The following CWC25 variants were observed in gnomAD, a reference collection of about 807,000 sequenced individuals.
CWC25 encodes the protein CWC25 spliceosome associated protein, also known as pre-mRNA-splicing factor CWC25 homolog.
A neutral mutation model predicts 54.6 loss-of-function variants in CWC25; 31 were observed. That is an observed-to-expected ratio of 0.57 (90% confidence interval 0.43 to 0.77). CWC25 has a LOEUF of 0.77. Ranked by LOEUF, CWC25 falls within the 30% of genes least tolerant of loss-of-function variation. The pLI is 0.00. For synonymous variants in CWC25, 151 were observed against 187.0 expected (o/e 0.81, Z 1.57); for missense variants, 453 against 529.3 (o/e 0.86, Z 1.41).
intron 8 of CWC25, 91 bp from the exon 9 acceptor site, chr17:38,802,952 G>A: frequency 1.4e-6 from 2 of 1,475,312 alleles, no homozygotes; most frequent in Non-Finnish European, 1.9e-6. Flanking sequence ...GGGACCCCAA[G>A]CTCTCCAGTT....
intron 2 of CWC25, among the ~76,000 whole-genome samples, chr17:38,818,465 G>A (rs377178941): frequency 2.7e-5 from 4 of 150,296 alleles, no homozygotes; most frequent in African/African-American, 9.8e-5. Flanking sequence ...GGTGGCGGGC[G>A]CCTGTAGTCC....
chr17:38,815,177 A>T (rs759064513), intron 2 of CWC25, 80 bp from the exon 3 acceptor site: 67 of 1,248,158 alleles, frequency 5.4e-5, no homozygotes, highest in Non-Finnish European at 7.0e-5. Context: ...CCTGGACACA[A>T]GGGAGAGAGA....
chr17:38,812,048 C>G (rs1911511945), intron 4 of CWC25, among the ~76,000 whole-genome samples: 1 of 151,972 alleles, frequency 6.6e-6, no homozygotes, highest in Non-Finnish European at 1.5e-5. Flanking sequence ...AAGCAAGTCT[C>G]CTGCCTCATC....
At position 38,806,602 on chromosome 17, in the gene CWC25, G is replaced by A. The variant is rs1044316846; in HGVS notation, c.902+163C>T. 5 of 772,488 alleles carry A rather than the reference G, an allele frequency of 6.5e-6. No homozygotes were observed. In the African/African-American group the frequency reaches 8.8e-5, roughly 14 times the overall value. 47.9% of individuals were successfully genotyped at this position (772,488 alleles called of 1,614,324 possible). ...TACAGATATGTGGCTTTGGATGCCT[G>A]AGCTTTACATTGAGGTGGAAAAAAA... is the stretch of plus-strand genomic sequence containing the variant. On this transcript the variant is annotated intron_variant, in intron 7 of 9. Coordinates refer to ENST00000614790, the MANE Select transcript of CWC25 (RefSeq NM_017748.5).
chr17:38,824,506 G>T (rs1323964595), intron 1 of CWC25, among the ~76,000 whole-genome samples: 1 of 151,992 alleles, frequency 6.6e-6, no homozygotes, highest in Admixed American at 6.6e-5. Flanking sequence ...GACCAACATG[G>T]AGAAACCCTG....
intron 3 of CWC25, among the ~76,000 whole-genome samples, chr17:38,813,923 G>A (rs556024386): frequency 2.6e-5 from 4 of 152,138 alleles, no homozygotes; most frequent in African/African-American, 7.2e-5. Context: ...GTGCAGTGGC[G>A]CGATCTCAGG....
chr17:38,819,195 CCTTT>C (rs1292822896), intron 2 of CWC25, among the ~76,000 whole-genome samples: 34 of 149,652 alleles, frequency 2.3e-4, no homozygotes, highest in Admixed American at 1.9e-3. Flanking sequence ...GCTAACTTTT[CCTTT>C]CTTTCTTTTT....
intron 8 of CWC25, 37 bp from the exon 9 acceptor site, chr17:38,802,898 C>A (rs751959807): frequency 6.2e-7 from 1 of 1,609,762 alleles, no homozygotes; most frequent in South Asian, 1.1e-5. Context: ...AGGTCTCTTC[C>A]AGCAAAAAAA....
chr17:38,825,209 G>T lies in CWC25; in HGVS notation c.-26C>A. On this transcript the variant is annotated 5_prime_UTR_variant, in exon 1 of 10. Coordinates refer to ENST00000614790, the MANE Select transcript of CWC25 (RefSeq NM_017748.5). Reference sequence around the variant, plus strand: ...GACGGTGGAGACGATTCCTCACTACGCGGATCTGGAAGATTTCGGGAGGAT... The same window carrying T: ...GACGGTGGAGACGATTCCTCACTACTCGGATCTGGAAGATTTCGGGAGGAT... 1 of 1,585,382 alleles carries T rather than the reference G, an allele frequency of 6.3e-7. No homozygotes were observed.
At chr17:38,809,426 CAA>C (rs763244461) in intron 6 of CWC25, among the ~76,000 whole-genome samples, 40 of 129,866 alleles carry the variant, frequency 3.1e-4, no homozygotes, top group Middle Eastern at 4.0e-3. Context: ...GACTCCGTCT[CAA>C]AAAAAAAAAA....
intron 8 of CWC25, among the ~76,000 whole-genome samples, chr17:38,804,178 C>T (rs1911135186): frequency 6.6e-6 from 1 of 152,042 alleles, no homozygotes; most frequent in Non-Finnish European, 1.5e-5. Context: ...AATGTAACCT[C>T]CATATTCTGC....
chr17:38,803,284 C>T (rs1010784755), intron 8 of CWC25, among the ~76,000 whole-genome samples: 32 of 152,330 alleles, frequency 2.1e-4, no homozygotes, highest in African/African-American at 6.3e-4. Context: ...GAGTACACTA[C>T]TTTAGGACTA....
chr17:38,806,092 G>A (rs527808620), intron 8 of CWC25, among the ~76,000 whole-genome samples: 29 of 152,282 alleles, frequency 1.9e-4, no homozygotes, highest in Admixed American at 1.6e-3. Context: ...GATTACAGGC[G>A]TGAGCCACCA....
Position 38,823,085 on chromosome 17 carries a change from G to T in CWC25, c.19-2012C>A, listed in dbSNP as rs139554609. Reference sequence around the variant, plus strand: ...GATCTCCTGACCTCATGATCTGCCCGCCTTGGCCTCCCAAAGTGCTAGGAT... The same window carrying T: ...GATCTCCTGACCTCATGATCTGCCCTCCTTGGCCTCCCAAAGTGCTAGGAT... On this transcript the variant is annotated intron_variant, in intron 1 of 9. Coordinates refer to ENST00000614790, the MANE Select transcript of CWC25 (RefSeq NM_017748.5). Among the ~76,000 whole-genome samples, 246 of 151,242 alleles carry T rather than the reference G, an allele frequency of 1.6e-3. 1 individual carries two copies. Among genetic ancestry groups the T allele is most frequent in the African/African-American group, 5.1e-3 (212 of 41,196 alleles).
intron 1 of CWC25, among the ~76,000 whole-genome samples, chr17:38,823,048 CATG>C (rs1032107874): frequency 6.6e-6 from 1 of 151,742 alleles, no homozygotes; most frequent in Non-Finnish European, 1.5e-5. Flanking sequence ...CCGTGTTAGC[CATG>C]ATGGTCTCGA....
intron 2 of CWC25, 66 bp downstream of exon 2, chr17:38,820,835 G>T: frequency 6.5e-7 from 1 of 1,528,158 alleles, no homozygotes; most frequent in East Asian, 2.3e-5. Flanking sequence ...TACAACACTG[G>T]ATGATGCATC....
At chr17:38,814,745 CAAAAAAAA>C (rs71138658) in intron 3 of CWC25, 108 bp downstream of exon 3, 7 of 465,888 alleles carry the variant, frequency 1.5e-5, no homozygotes, top group Middle Eastern at 5.6e-4. Context: ...GACTCCGTCT[CAAAAAAAA>C]AAAAAAAAAA....
intron 9 of CWC25, 133 bp from the exon 10 acceptor site, chr17:38,802,339 A>G (rs1460192974): frequency 1.6e-6 from 1 of 624,860 alleles, no homozygotes; most frequent in African/African-American, 1.8e-5. Flanking sequence ...GCTCCCATAG[A>G]TAACTTTCGA....
At chr17:38,809,296 TGG>T (rs1911387159) in intron 6 of CWC25, among the ~76,000 whole-genome samples, 2 of 150,888 alleles carry the variant, frequency 1.3e-5, no homozygotes, top group East Asian at 2.0e-4. Context: ...GGCGTGGTGG[TGG>T]GCGCCTGTAA....
Sources: gnomAD v4.1 joint callset for allele counts (sites outside exome capture counted in the v4.1 genomes callset) on GRCh38, gnomAD v4.1.1 for gene constraint, MANE v1.5 for transcripts, NCBI Gene and HGNC (gene_info 2026-07-23, HGNC 2026-07-21) for gene names.